The following EPHA3 variants were observed in gnomAD, a reference collection of about 807,000 sequenced individuals.
EPHA3 encodes ephrin type-A receptor 3.
Under a neutral mutation model 107.1 loss-of-function variants are expected in EPHA3, and 42 were observed. The observed-to-expected ratio is 0.39, with a 90% confidence interval of 0.31 to 0.51. The LOEUF (loss-of-function observed/expected upper bound fraction) is 0.51, where lower values mean the gene tolerates loss of function less well. Among genes scored for constraint, EPHA3 ranks in the 20% least tolerant of loss-of-function variants. The pLI, the probability that EPHA3 is intolerant of heterozygous loss-of-function variation, is 0.78. For synonymous variants in EPHA3, 461 were observed against 424.8 expected (o/e 1.09, Z -1.05); for missense variants, 1,183 against 1,211.2 (o/e 0.98, Z 0.35).
chr3:89,341,986 C>A lies in EPHA3; in HGVS notation c.1202C>A (p.Ala401Glu), dbSNP rs753359922. Residue 401 changes from alanine to glutamate, a missense_variant, in exon 5 of 17, where the codon GCA (alanine) becomes GAA (glutamate). Ala to Glu is a moderately radical substitution (Grantham distance 107). Transcript: ENST00000336596. ...NTTVTVTDLLAHTNYTFEIDA... is the reference protein window; with the variant it reads ...NTTVTVTDLLEHTNYTFEIDA... ...ACGGTGACAGTGACAGACCTTCTGG[C>A]ACATACTAACTACACCTTTGAGATT... 1.2e-6 allele frequency: 2 copies of A among 1,613,162 alleles called. No individual in the cohort carries two copies. Among genetic ancestry groups the A allele is most frequent in the Non-Finnish European group, 1.7e-6 (2 of 1,179,844 alleles).
chr3:89,469,124 T>C (rs943485652), intron 15 of EPHA3, among the ~76,000 whole-genome samples: 3 of 152,160 alleles, frequency 2.0e-5, no homozygotes, highest in African/African-American at 4.8e-5. Context: ...ATCAGAGAAA[T>C]AGAAATTATA....
chr3:89,172,381 A>G (rs1442681272), intron 2 of EPHA3, among the ~76,000 whole-genome samples: 3 of 152,166 alleles, frequency 2.0e-5, no homozygotes, highest in African/African-American at 7.2e-5. Context: ...AGACCAGCCT[A>G]GGCAGCCAGG....
chr3:89,181,404 T>C (rs1003144320), intron 2 of EPHA3, among the ~76,000 whole-genome samples: 2 of 151,926 alleles, frequency 1.3e-5, no homozygotes, highest in Admixed American at 1.3e-4. Context: ...TTTTGTCACA[T>C]AGCTCAGTTT....
At chr3:89,156,677 G>T (rs1704814789) in intron 2 of EPHA3, among the ~76,000 whole-genome samples, 2 of 151,896 alleles carry the variant, frequency 1.3e-5, no homozygotes, top group African/African-American at 2.4e-5. Context: ...AAAGAAGAAT[G>T]ATATTAGTTA....
intron 7 of EPHA3, among the ~76,000 whole-genome samples, chr3:89,402,122 G>A (rs1290658229): frequency 5.3e-5 from 8 of 152,202 alleles, no homozygotes; most frequent in African/African-American, 1.7e-4. Flanking sequence ...AAGTAAATTT[G>A]CAAAAACAAT....
At chr3:89,355,333 C>A (rs918776161) in intron 5 of EPHA3, among the ~76,000 whole-genome samples, 1 of 151,178 alleles carries the variant, frequency 6.6e-6, no homozygotes, top group African/African-American at 2.4e-5. Context: ...TTCTAAGTTT[C>A]TTTCCAATTA....
intron 1 of EPHA3, among the ~76,000 whole-genome samples, chr3:89,113,483 T>TAAAAAAAAAA (rs71621525): frequency 3.7e-4 from 1 of 2,680 alleles, no homozygotes; most frequent in Non-Finnish European, 8.2e-4. Flanking sequence ...GCTTCCTTTG[T>TAAAAAAAAAA]ACAAAAAAAA....
intron 5 of EPHA3, among the ~76,000 whole-genome samples, chr3:89,352,984 C>T (rs2107445486): frequency 6.7e-6 from 1 of 148,250 alleles, no homozygotes; most frequent in East Asian, 2.0e-4. Context: ...GAAAATATTT[C>T]TAAGTTTTCT....
At chr3:89,239,347 A>G (rs1034165678) in intron 3 of EPHA3, among the ~76,000 whole-genome samples, 15 of 152,202 alleles carry the variant, frequency 9.9e-5, no homozygotes, top group Non-Finnish European at 2.1e-4. Context: ...ACATTTCAAA[A>G]TAACAGTTGT....
chr3:89,318,129 T>A (rs1427020001), intron 3 of EPHA3, among the ~76,000 whole-genome samples: 1 of 151,848 alleles, frequency 6.6e-6, no homozygotes, highest in Non-Finnish European at 1.5e-5. Context: ...GGAAAAACCT[T>A]GGATCATATG....
intron 3 of EPHA3, among the ~76,000 whole-genome samples, chr3:89,242,179 G>A (rs1437908029): frequency 3.3e-5 from 5 of 152,168 alleles, no homozygotes; most frequent in African/African-American, 1.2e-4. Flanking sequence ...ATTGTAATAT[G>A]AGCTGCTGAG....
intron 3 of EPHA3, among the ~76,000 whole-genome samples, chr3:89,242,659 G>C (rs182956143): frequency 6.6e-6 from 1 of 152,076 alleles, no homozygotes; most frequent in Admixed American, 6.5e-5. Flanking sequence ...GGATGGTCTC[G>C]ATCTCCTGAC....
chr3:89,205,087 G>C (rs1706067482), intron 2 of EPHA3, among the ~76,000 whole-genome samples: 1 of 152,034 alleles, frequency 6.6e-6, no homozygotes, highest in Admixed American at 6.6e-5. Context: ...AGTCTTAAAA[G>C]GTAAATCATG....
chr3:89,213,772 A>G (rs1704162746), intron 3 of EPHA3, among the ~76,000 whole-genome samples: 1 of 151,990 alleles, frequency 6.6e-6, no homozygotes, highest in African/African-American at 2.4e-5. Context: ...CCTTAAATTT[A>G]CTGATCTAGT....
intron 3 of EPHA3, among the ~76,000 whole-genome samples, chr3:89,323,504 TG>T (rs1707090862): frequency 6.6e-6 from 1 of 152,144 alleles, no homozygotes; most frequent in South Asian, 2.1e-4. Flanking sequence ...TTTAAATTGT[TG>T]GTCCAATAGT....
At chr3:89,310,894 A>AT (rs1319447226) in intron 3 of EPHA3, among the ~76,000 whole-genome samples, 2 of 151,918 alleles carry the variant, frequency 1.3e-5, no homozygotes, top group African/African-American at 2.4e-5. Flanking sequence ...CTTAGCCTGT[A>AT]TTTTTTTGAA....
intron 5 of EPHA3, among the ~76,000 whole-genome samples, chr3:89,343,513 G>A (rs1371700569): frequency 6.6e-6 from 1 of 152,064 alleles, no homozygotes; most frequent in Non-Finnish European, 1.5e-5. Context: ...GCATAAGAGG[G>A]GTATACAGAG....
chr3:89,161,691 A>G (rs74812421), intron 2 of EPHA3, among the ~76,000 whole-genome samples: 4,820 of 152,078 alleles, frequency 0.032, 272 homozygotes, highest in African/African-American at 0.11. Context: ...TTTAAATCTG[A>G]CTTTGTCTAG....
intron 13 of EPHA3, among the ~76,000 whole-genome samples, chr3:89,433,526 T>A (rs1709609300): frequency 6.6e-6 from 1 of 152,170 alleles, no homozygotes; most frequent in Non-Finnish European, 1.5e-5. Context: ...CCCAATGGCT[T>A]TTAATAATAA....
Sources: allele counts gnomAD v4.1 joint callset (sites outside exome capture counted in the v4.1 genomes callset), GRCh38; gene constraint gnomAD v4.1.1; transcripts MANE v1.5; gene names NCBI Gene and HGNC (gene_info 2026-07-23, HGNC 2026-07-21).